Variants in KCNH7 observed in about 807,000 individuals in gnomAD.
KCNH7 encodes the protein voltage-gated inwardly rectifying potassium channel KCNH7.
In KCNH7, 49 loss-of-function variants were observed where a neutral mutation model predicts 120.8. The ratio of observed to expected loss-of-function variants is 0.41; its 90% CI spans 0.32 to 0.51. KCNH7 has a LOEUF of 0.51. KCNH7 is among the 20% of genes least tolerant of loss of function. KCNH7 has a pLI of 0.38. For synonymous variants in KCNH7, 547 were observed against 516.1 expected (o/e 1.06, Z -0.81); for missense variants, 1,097 against 1,446.6 (o/e 0.76, Z 3.92).
chr2:162,739,980 G>T (rs999296721), intron 2 of KCNH7, among the ~76,000 whole-genome samples: 1 of 152,124 alleles, frequency 6.6e-6, no homozygotes, highest in Non-Finnish European at 1.5e-5. Context: ...CCAAATAAGA[G>T]GAGCCAAGTA....
intron 12 of KCNH7, among the ~76,000 whole-genome samples, chr2:162,388,478 TA>T (rs1264530599): frequency 6.6e-6 from 1 of 151,832 alleles, no homozygotes; most frequent in Non-Finnish European, 1.5e-5. Context: ...TTGTATACCA[TA>T]AATATGTACA....
At chr2:162,400,624 T>G (rs1474193229) in intron 9 of KCNH7, among the ~76,000 whole-genome samples, 183 bp from the exon 10 acceptor site, 1 of 151,894 alleles carries the variant, frequency 6.6e-6, no homozygotes. Context: ...AATTTTTAAC[T>G]CAAATACTTG....
At chr2:162,401,554 T>C (rs1370279047) in intron 9 of KCNH7, among the ~76,000 whole-genome samples, 1 of 151,952 alleles carries the variant, frequency 6.6e-6, no homozygotes, top group African/African-American at 2.4e-5. Context: ...ACAGAGGAAC[T>C]TCAAATTAAA....
At chr2:162,836,390 C>A in intron 2 of KCNH7, 147 bp downstream of exon 2, 1 of 636,086 alleles carries the variant, frequency 1.6e-6, no homozygotes, top group Non-Finnish European at 2.7e-6. Flanking sequence ...AATCAGAATA[C>A]CCATATATGT....
At chr2:162,405,673 AAT>A (rs1201768006) in intron 9 of KCNH7, among the ~76,000 whole-genome samples, 2 of 152,014 alleles carry the variant, frequency 1.3e-5, no homozygotes, top group East Asian at 3.9e-4. Flanking sequence ...TGCCAAAGTT[AAT>A]ATAAGCCTGA....
intron 3 of KCNH7, among the ~76,000 whole-genome samples, chr2:162,522,519 T>C (rs1691568089): frequency 6.6e-6 from 1 of 151,918 alleles, no homozygotes; most frequent in African/African-American, 2.4e-5. Context: ...TTGCTCAATG[T>C]TAGCACTTTC....
intron 3 of KCNH7, among the ~76,000 whole-genome samples, chr2:162,531,113 T>C (rs561548477): frequency 5.9e-5 from 9 of 152,056 alleles, no homozygotes; most frequent in East Asian, 3.9e-4. Context: ...AGCTAAAGCA[T>C]AGGGAAACAA....
chr2:162,722,395 A>C (rs1445640854), intron 2 of KCNH7, among the ~76,000 whole-genome samples: 1 of 152,186 alleles, frequency 6.6e-6, no homozygotes, highest in Non-Finnish European at 1.5e-5. Context: ...GTACTATAAC[A>C]GAAGGCAGAA....
intron 9 of KCNH7, among the ~76,000 whole-genome samples, chr2:162,415,621 T>A (rs1332158278): frequency 6.6e-6 from 1 of 152,174 alleles, no homozygotes; most frequent in East Asian, 1.9e-4. Flanking sequence ...TAAGATATTT[T>A]TTCTCTTTAA....
At chr2:162,454,047 G>A (rs1360070043) in intron 6 of KCNH7, among the ~76,000 whole-genome samples, 1 of 152,070 alleles carries the variant, frequency 6.6e-6, no homozygotes, top group East Asian at 1.9e-4. Flanking sequence ...TGTCCTAAAT[G>A]GTAGTGCCTA....
intron 2 of KCNH7, among the ~76,000 whole-genome samples, chr2:162,799,199 TTTC>T (rs1355460243): frequency 9.2e-5 from 14 of 151,988 alleles, no homozygotes; most frequent in African/African-American, 2.7e-4. Context: ...TAACTGGCCC[TTTC>T]TACATTTTCC....
At chr2:162,813,052 A>T (rs1684790999) in intron 2 of KCNH7, among the ~76,000 whole-genome samples, 1 of 152,156 alleles carries the variant, frequency 6.6e-6, no homozygotes, top group South Asian at 2.1e-4. Context: ...AACCATCAGG[A>T]AGATAATAAA....
chr2:162,597,977 C>G (rs1413679165), intron 2 of KCNH7, among the ~76,000 whole-genome samples: 1 of 151,896 alleles, frequency 6.6e-6, no homozygotes, highest in East Asian at 1.9e-4. Context: ...ACACTATTTC[C>G]CAGAGAATCT....
chr2:162,407,908 T>C (rs886297427), intron 9 of KCNH7, among the ~76,000 whole-genome samples: 7 of 152,218 alleles, frequency 4.6e-5, no homozygotes, highest in Admixed American at 3.3e-4. Context: ...AAATACCATC[T>C]TGAACTTGAA....
At chr2:162,611,237 T>C (rs1682953193) in intron 2 of KCNH7, among the ~76,000 whole-genome samples, 2 of 152,310 alleles carry the variant, frequency 1.3e-5, no homozygotes, top group South Asian at 4.1e-4. Context: ...TGACATAGTA[T>C]TCCCTAGCCA....
chr2:162,591,295 A>G (rs1351352728), intron 2 of KCNH7, among the ~76,000 whole-genome samples: 1 of 151,904 alleles, frequency 6.6e-6, no homozygotes, highest in Non-Finnish European at 1.5e-5. Context: ...TGATTTCAAC[A>G]GTGCACAGAC....
chr2:162,702,336 CAGAT>C, intron 2 of KCNH7, among the ~76,000 whole-genome samples: 1 of 152,190 alleles, frequency 6.6e-6, no homozygotes, highest in Non-Finnish European at 1.5e-5. Context: ...ATATTATGCA[CAGAT>C]AAACCACAGT....
chr2:162,616,738 C>G (rs1683153354), intron 2 of KCNH7, among the ~76,000 whole-genome samples: 1 of 152,072 alleles, frequency 6.6e-6, no homozygotes, highest in South Asian at 2.1e-4. Context: ...TTGCTTCCAT[C>G]CTGGGATTTC....
At chr2:162,437,598 T>C (rs908020796) in intron 7 of KCNH7, among the ~76,000 whole-genome samples, 1 of 152,124 alleles carries the variant, frequency 6.6e-6, no homozygotes, top group African/African-American at 2.4e-5. Context: ...GGATAAGTTA[T>C]TCATTTAATC....
Sources: allele counts gnomAD v4.1 joint callset (sites outside exome capture counted in the v4.1 genomes callset), GRCh38; gene constraint gnomAD v4.1.1; transcripts MANE v1.5; gene names NCBI Gene and HGNC (gene_info 2026-07-23, HGNC 2026-07-21).